The following DCDC2C variants were observed in gnomAD, a reference collection of about 807,000 sequenced individuals.
DCDC2C encodes doublecortin domain containing 2C, also known as doublecortin domain-containing protein 2C.
Under a neutral mutation model 45.0 loss-of-function variants are expected in DCDC2C, and 44 were observed. The ratio of observed to expected loss-of-function variants is 0.98; its 90% CI spans 0.77 to 1.26. DCDC2C has a LOEUF of 1.26. Ranked by LOEUF, DCDC2C falls within the 50% of genes most tolerant of loss-of-function variation. DCDC2C has a pLI of 0.00. For synonymous variants in DCDC2C, 187 were observed against 178.8 expected, an observed-to-expected ratio of 1.05 and a Z score of -0.37; for missense variants, 447 against 468.9, an observed-to-expected ratio of 0.95 and a Z score of 0.43.
Position 3,767,748 on chromosome 2 carries a change from CT to C in DCDC2C, c.727-5del. On this transcript the variant is annotated splice_polypyrimidine_tract_variant and splice_region_variant and intron_variant, in intron 6 of 10. Transcript: ENST00000399143. ...ATGGACTTTCTCTTCTTCATTTGTCCTGTAGGTGGACTCCAAAGGAAAAGAA... is the reference window on the plus strand; with the variant it reads ...ATGGACTTTCTCTTCTTCATTTGTCCGTAGGTGGACTCCAAAGGAAAAGAA... 1 of 1,550,316 alleles carries C rather than the reference CT, an allele frequency of 6.5e-7. No homozygotes were observed. The highest frequency in any genetic ancestry group is 8.7e-7 in the Non-Finnish European group (1 of 1,146,816).
At chr2:3,744,998 C>G (rs971839180) in intron 4 of DCDC2C, among the ~76,000 whole-genome samples, 4 of 151,576 alleles carry the variant, frequency 2.6e-5, no homozygotes, top group African/African-American at 9.8e-5. Context: ...TATTTATTTA[C>G]TTATTTATTT....
chr2:3,847,303 A>G lies in DCDC2C; in HGVS notation c.*120A>G. On this transcript the variant is annotated 3_prime_UTR_variant, in exon 11 of 11. Transcript: ENST00000399143. ...GTGGGGTGAAACTAAAGCCCCACAC[A>G]GTGGTGTCTTCTCGAAAGCCAAAGA... 1 of 631,562 alleles carries G rather than the reference A, an allele frequency of 1.6e-6. No individual in the cohort carries two copies. The highest frequency in any genetic ancestry group is 2.3e-6 in the Non-Finnish European group (1 of 440,504). The allele number at this position is 631,562 out of a possible 1,614,324, so 39.1% of individuals were successfully genotyped here. A position where few individuals can be genotyped will look rare whatever the true frequency, so the allele number is the denominator to read the frequency against.
chr2:3,711,794 G>T (rs376923792), intron 2 of DCDC2C, among the ~76,000 whole-genome samples: 23 of 152,166 alleles, frequency 1.5e-4, no homozygotes, highest in Non-Finnish European at 2.8e-4. Flanking sequence ...GAATTAACAC[G>T]CATTATTTTA....
intron 5 of DCDC2C, among the ~76,000 whole-genome samples, chr2:3,753,482 C>A (rs76937377): frequency 6.6e-6 from 1 of 152,140 alleles, no homozygotes; most frequent in Non-Finnish European, 1.5e-5. Flanking sequence ...TTAGCCCTGA[C>A]GGGTGTGTTT....
chr2:3,705,660 T>C (rs1373352284), intron 1 of DCDC2C, among the ~76,000 whole-genome samples: 1 of 152,188 alleles, frequency 6.6e-6, no homozygotes, highest in African/African-American at 2.4e-5. Flanking sequence ...GCCTGGGAGA[T>C]GTTACTCTTT....
chr2:3,784,197 C>G (rs895547825), intron 9 of DCDC2C, among the ~76,000 whole-genome samples: 7 of 152,134 alleles, frequency 4.6e-5, no homozygotes, highest in African/African-American at 1.7e-4. Flanking sequence ...TACAACATTC[C>G]TCTTGCAGAT....
chr2:3,836,059 T>C (rs1211274481), intron 10 of DCDC2C, among the ~76,000 whole-genome samples: 1 of 152,210 alleles, frequency 6.6e-6, no homozygotes, highest in Non-Finnish European at 1.5e-5. Flanking sequence ...CATTGATTTT[T>C]AGTATTTGAA....
intron 6 of DCDC2C, among the ~76,000 whole-genome samples, chr2:3,755,853 T>C (rs1669697854): frequency 8.1e-6 from 1 of 124,164 alleles, no homozygotes; most frequent in South Asian, 2.3e-4. Flanking sequence ...TATGGATGCA[T>C]ATGCATATGG....
In DCDC2C at chr2:3,744,348, T is replaced by G. The variant is rs184597215; in HGVS notation, c.545+2300T>G. On this transcript the variant is annotated intron_variant, in intron 4 of 10. Coordinates refer to ENST00000399143, the MANE Select transcript of DCDC2C (RefSeq NM_001287444.2). ...TGGCATCAGGCCCAGCGTCCGGCTG[T>G]TGGTGCAGATTAGAGGAAGGTGAAG... Among the ~76,000 whole-genome samples, 12 of 152,170 alleles carry G rather than the reference T, an allele frequency of 7.9e-5. 1 individual carries two copies. The highest frequency in any genetic ancestry group is 2.9e-4 in the African/African-American group (12 of 41,514).
intron 2 of DCDC2C, among the ~76,000 whole-genome samples, chr2:3,711,637 A>G (rs1321161298): frequency 6.6e-6 from 1 of 152,184 alleles, no homozygotes; most frequent in Non-Finnish European, 1.5e-5. Flanking sequence ...CCTGAAAACT[A>G]TTCCACCATG....
At chr2:3,757,518 C>T (rs1284241835) in intron 6 of DCDC2C, among the ~76,000 whole-genome samples, 2 of 152,158 alleles carry the variant, frequency 1.3e-5, no homozygotes, top group Non-Finnish European at 2.9e-5. Context: ...CTTCAATGAA[C>T]ATATCACAAA....
intron 10 of DCDC2C, among the ~76,000 whole-genome samples, chr2:3,815,574 C>T (rs756838800): frequency 3.9e-5 from 6 of 152,316 alleles, no homozygotes; most frequent in South Asian, 4.1e-4. Context: ...TGTGAAGAGA[C>T]CACCAAACAG....
At chr2:3,814,743 A>T (rs1412423308) in intron 10 of DCDC2C, among the ~76,000 whole-genome samples, 1 of 152,136 alleles carries the variant, frequency 6.6e-6, no homozygotes, top group Non-Finnish European at 1.5e-5. Flanking sequence ...CTCTGACTGG[A>T]GTTACTGGAG....
rs1458425040 is a variant in DCDC2C at position 3,818,375 on chromosome 2, T to C, written c.1066-28779T>C. On this transcript the variant is annotated intron_variant, in intron 10 of 10. Transcript: ENST00000399143. This position sits in a 1 kb window ranked among gnomAD's most constrained non-coding sequence, Gnocchi z 4.7. ...CAAAGGAATAGTAAAGAAAGCATAT[T>C]TGAGATCCTGAACAGAATAATGGGT... is the stretch of plus-strand genomic sequence containing the variant. 6.6e-6 allele frequency among the ~76,000 whole-genome samples: 1 copy of C among 151,874 alleles called. No homozygotes were observed. The highest frequency in any genetic ancestry group is 1.5e-5 in the Non-Finnish European group (1 of 67,982).
chr2:3,772,856 A>T (rs898720688), intron 8 of DCDC2C, among the ~76,000 whole-genome samples: 8 of 152,188 alleles, frequency 5.3e-5, no homozygotes, highest in Non-Finnish European at 7.3e-5. Flanking sequence ...GGAAGTTCAC[A>T]CTGGCGTTTC....
intron 5 of DCDC2C, among the ~76,000 whole-genome samples, chr2:3,753,207 T>C (rs918204633): frequency 3.3e-5 from 5 of 152,228 alleles, no homozygotes; most frequent in African/African-American, 1.2e-4. Flanking sequence ...CTAGGCACAG[T>C]TATGCCTGCC....
chr2:3,786,266 G>A (rs942065652), intron 10 of DCDC2C, among the ~76,000 whole-genome samples: 4 of 151,280 alleles, frequency 2.6e-5, no homozygotes, highest in African/African-American at 7.3e-5. Context: ...CCTCTGATGT[G>A]GATGTTTCCC....
chr2:3,744,567 G>C (rs754304926), intron 4 of DCDC2C, among the ~76,000 whole-genome samples: 1 of 152,206 alleles, frequency 6.6e-6, no homozygotes, highest in Non-Finnish European at 1.5e-5. Flanking sequence ...GGAGGAGGCC[G>C]CCGTGGGCAG....
intron 10 of DCDC2C, among the ~76,000 whole-genome samples, chr2:3,800,277 C>T (rs1401928242): frequency 6.6e-6 from 1 of 152,192 alleles, no homozygotes; most frequent in Non-Finnish European, 1.5e-5. Flanking sequence ...CTGGCACTCC[C>T]TAGTGAGATG....
Sources: allele counts gnomAD v4.1 joint callset (sites outside exome capture counted in the v4.1 genomes callset), GRCh38; gene constraint gnomAD v4.1.1; non-coding constraint Gnocchi (gnomAD v3.1); transcripts MANE v1.5; gene names NCBI Gene and HGNC (gene_info 2026-07-23, HGNC 2026-07-21).